The following RFX3 variants were observed in gnomAD, a reference collection of about 807,000 sequenced individuals.
RFX3 encodes the protein regulatory factor X3, also known as transcription factor RFX3.
A neutral mutation model predicts 98.6 loss-of-function variants in RFX3; 14 were observed. The ratio of observed to expected loss-of-function variants is 0.14; its 90% CI spans 0.09 to 0.22. The LOEUF is 0.22. Ranked by LOEUF, RFX3 falls within the 10% of genes least tolerant of loss-of-function variation. The pLI is 1.00. For missense variants in RFX3, 639 were observed against 926.9 expected, an observed-to-expected ratio of 0.69 and a Z score of 4.03; for synonymous variants, 383 against 328.4, an observed-to-expected ratio of 1.17 and a Z score of -1.80.
chr9:3,238,941 T>C (rs1446086451), intron 15 of RFX3, among the ~76,000 whole-genome samples: 1 of 150,842 alleles, frequency 6.6e-6, no homozygotes, highest in Non-Finnish European at 1.5e-5. Flanking sequence ...TGTGTCATAG[T>C]GAGCCGAGAT....
intron 1 of RFX3, among the ~76,000 whole-genome samples, chr9:3,460,142 T>C (rs1263720525): frequency 1.3e-5 from 2 of 152,086 alleles, no homozygotes; most frequent in Non-Finnish European, 2.9e-5. Context: ...CCAGCTTAGA[T>C]ATGAATACAC....
chr9:3,231,400 C>T (rs1380173344), intron 15 of RFX3, among the ~76,000 whole-genome samples: 1 of 152,228 alleles, frequency 6.6e-6, no homozygotes, highest in East Asian at 1.9e-4. Context: ...AAAATCAGTT[C>T]ACTTACTCAT....
At chr9:3,521,537 A>G (rs1356953640) in intron 1 of RFX3, among the ~76,000 whole-genome samples, 2 of 152,210 alleles carry the variant, frequency 1.3e-5, no homozygotes, top group Non-Finnish European at 2.9e-5. Context: ...TATAAGAAAT[A>G]TAAAATTCCC....
chr9:3,456,727 C>T, intron 1 of RFX3, among the ~76,000 whole-genome samples: 1 of 152,136 alleles, frequency 6.6e-6, no homozygotes, highest in East Asian at 1.9e-4. Flanking sequence ...CGTGCTAAAT[C>T]AACTTACTCC....
chr9:3,417,091 C>G (rs1843049058), intron 1 of RFX3, among the ~76,000 whole-genome samples: 1 of 151,488 alleles, frequency 6.6e-6, no homozygotes. Context: ...GAAATATTAC[C>G]AGGAATAAGA....
intron 1 of RFX3, among the ~76,000 whole-genome samples, chr9:3,459,808 T>G (rs1847525907): frequency 6.6e-6 from 1 of 152,034 alleles, no homozygotes; most frequent in African/African-American, 2.4e-5. Flanking sequence ...TAAGTTATAG[T>G]TTGATAGAAG....
chr9:3,246,697 G>A (rs1386359180), intron 15 of RFX3, among the ~76,000 whole-genome samples: 2 of 152,288 alleles, frequency 1.3e-5, no homozygotes, highest in South Asian at 2.1e-4. Context: ...TAAAGAAAGA[G>A]GCAATGAGGG....
At chr9:3,411,135 C>T (rs1319199223) in intron 1 of RFX3, among the ~76,000 whole-genome samples, 3 of 152,142 alleles carry the variant, frequency 2.0e-5, no homozygotes, top group Non-Finnish European at 4.4e-5. Context: ...TCTCACAAAC[C>T]AAATTTATAA....
intron 8 of RFX3, 111 bp downstream of exon 8, chr9:3,277,229 C>A: frequency 8.7e-7 from 1 of 1,144,714 alleles, no homozygotes; most frequent in South Asian, 1.5e-5. Flanking sequence ...ATTTTGGCAC[C>A]AAAAAAAATC....
chr9:3,483,699 G>GT (rs1160155957), intron 1 of RFX3, among the ~76,000 whole-genome samples: 6 of 152,194 alleles, frequency 3.9e-5, no homozygotes, highest in African/African-American at 7.2e-5. Flanking sequence ...ATCAGCAACT[G>GT]TATCAGTTGA....
chr9:3,321,603 T>G (rs1237895514), intron 4 of RFX3, among the ~76,000 whole-genome samples: 1 of 152,238 alleles, frequency 6.6e-6, no homozygotes, highest in Non-Finnish European at 1.5e-5. Flanking sequence ...AAAAAATTAG[T>G]CCTTTGAGTA....
chr9:3,519,929 C>T (rs1330156630), intron 1 of RFX3, among the ~76,000 whole-genome samples: 1 of 150,134 alleles, frequency 6.7e-6, no homozygotes, highest in East Asian at 1.9e-4. Flanking sequence ...AAGACCCTGT[C>T]TCTACAAAAA....
intron 3 of RFX3, among the ~76,000 whole-genome samples, chr9:3,337,426 G>A (rs1028652905): frequency 2.6e-5 from 4 of 152,164 alleles, no homozygotes; most frequent in Non-Finnish European, 4.4e-5. Context: ...GCCAGGTACT[G>A]GCTTTTCCAA....
intron 1 of RFX3, among the ~76,000 whole-genome samples, chr9:3,504,960 T>TATATATC (rs1816755487): frequency 1.3e-5 from 1 of 79,040 alleles, no homozygotes; most frequent in African/African-American, 5.4e-5. Context: ...ATATATATTA[T>TATATATC]ATATAATATA....
At chr9:3,515,820 T>A (rs1587915389) in intron 1 of RFX3, among the ~76,000 whole-genome samples, 2 of 152,270 alleles carry the variant, frequency 1.3e-5, no homozygotes, top group East Asian at 3.9e-4. Context: ...TCCAGAAACT[T>A]GAAAATGTCT....
chr9:3,293,098 C>T lies in RFX3; in HGVS notation c.710G>A (p.Arg237Gln). The T allele has an allele frequency of 4.3e-6, 7 of 1,612,454 alleles. No homozygotes were observed. The highest frequency in any genetic ancestry group is 5.1e-6 in the Non-Finnish European group (6 of 1,179,166). ...TAACCTAGTGCCCAATCTCCTGGTT[C>T]GTAGCCCCATAAAAATTGATCTTAT... ...KLIRSIFMGL[R>Q]TRRLGTRGNS... The change falls in exon 6 of 17, where the codon CGA becomes CAA. Residue 237 changes from arginine to glutamine, a missense_variant. Physicochemically the swap from Arg to Gln is conservative, Grantham distance 43. Transcript: ENST00000617270.
At chr9:3,354,870 T>C (rs753284866) in intron 2 of RFX3, among the ~76,000 whole-genome samples, 4 of 151,934 alleles carry the variant, frequency 2.6e-5, no homozygotes, top group Non-Finnish European at 4.4e-5. Flanking sequence ...TGTTTTCTTA[T>C]CTTTTACTTT....
At chr9:3,283,879 C>A (rs1826242101) in intron 7 of RFX3, among the ~76,000 whole-genome samples, 1 of 151,634 alleles carries the variant, frequency 6.6e-6, no homozygotes, top group Admixed American at 6.6e-5. Context: ...TTTGGGTTAT[C>A]TTACCTCTTT....
intron 2 of RFX3, among the ~76,000 whole-genome samples, chr9:3,387,238 A>G (rs537287985): frequency 1.3e-5 from 2 of 152,284 alleles, no homozygotes; most frequent in East Asian, 3.9e-4. Context: ...TATTTTCTTC[A>G]AAAGCTGGCT....
Sources: gnomAD v4.1 joint callset for allele counts (sites outside exome capture counted in the v4.1 genomes callset) on GRCh38, gnomAD v4.1.1 for gene constraint, MANE v1.5 for transcripts, NCBI Gene and HGNC (gene_info 2026-07-23, HGNC 2026-07-21) for gene names.